The following ADGRB3 variants were observed in gnomAD, a reference collection of about 807,000 sequenced individuals.
ADGRB3 encodes brain-specific angiogenesis inhibitor 3.
Under a neutral mutation model 193.4 loss-of-function variants are expected in ADGRB3, and 37 were observed. The observed-to-expected ratio is 0.19, with a 90% CI of 0.15 to 0.25. The LOEUF (loss-of-function observed/expected upper bound fraction) is 0.25, where lower values mean the gene tolerates loss of function less well. Among genes scored for constraint, ADGRB3 ranks in the 10% least tolerant of loss-of-function variants. ADGRB3 has a pLI of 1.00. For synonymous variants in ADGRB3, 690 were observed against 644.2 expected (o/e 1.07, Z -1.08); for missense variants, 1,637 against 1,852.9 (o/e 0.88, Z 2.14).
At chr6:69,354,147 C>A in intron 26 of ADGRB3, 86 bp from the exon 27 acceptor site, 1 of 894,660 alleles carries the variant, frequency 1.1e-6, no homozygotes, top group Non-Finnish European at 1.8e-6. Context: ...CAGTGATAAC[C>A]ACTGCCTCAG....
intron 17 of ADGRB3, among the ~76,000 whole-genome samples, chr6:69,085,857 G>A (rs1420709389): frequency 4.6e-5 from 7 of 151,202 alleles, no homozygotes; most frequent in South Asian, 2.1e-4. Context: ...AATGAACATC[G>A]GTAAAGATAA....
In ADGRB3 at chr6:68,842,009, G is replaced by A. The variant is rs368299900; in HGVS notation, c.758-88550G>A. On this transcript the variant is annotated intron_variant, in intron 3 of 31. Transcript: ENST00000370598. The stretch of plus-strand genomic sequence containing the variant: ...TTTAATTGTATATTTTAGAGTAACT[G>A]AAAGAGTATAATTGGATTTTTTGCA... Among the ~76,000 whole-genome samples, 44 of 152,062 alleles carry A rather than the reference G, an allele frequency of 2.9e-4. 1 individual carries two copies. The highest frequency in any genetic ancestry group is 1.0e-3 in the African/African-American group (42 of 41,534).
At position 69,214,778 on chromosome 6, in the gene ADGRB3, C is replaced by T. The variant is rs569981629; in HGVS notation, c.2481-18512C>T. On this transcript the variant is annotated intron_variant, in intron 17 of 31. Transcript: ENST00000370598. ...TGGTTTTTACCATTAAAAGTAATGG[C>T]AAAAACCACAATTACATTTGCACCA... 2.6e-5 allele frequency among the ~76,000 whole-genome samples: 4 copies of T among 151,458 alleles called. No homozygotes were observed. In the East Asian group the frequency reaches 7.9e-4, roughly 30 times the overall value.
Position 68,885,451 on chromosome 6 carries a change from C to T in ADGRB3, c.758-45108C>T, listed in dbSNP as rs1024224658. Among the ~76,000 whole-genome samples, 7 of 152,148 alleles carry T rather than the reference C, an allele frequency of 4.6e-5. No individual in the cohort carries two copies. In the East Asian group the frequency reaches 9.6e-4, roughly 21 times the overall value. ...GGAATGATTAAGTCAAACTAATTGA[C>T]GAAAATCTATCACCACACATACTTG... On this transcript the variant is annotated intron_variant, in intron 3 of 31. Transcript: ENST00000370598.
chr6:69,158,435 CAAAA>C (rs371530711), intron 17 of ADGRB3, among the ~76,000 whole-genome samples: 60 of 146,370 alleles, frequency 4.1e-4, no homozygotes, highest in African/African-American at 1.4e-3. Context: ...AAAGTTCAGC[CAAAA>C]AAAAAAATAA....
At position 69,201,514 on chromosome 6, in the gene ADGRB3, C is replaced by T. The variant is rs2150357959; in HGVS notation, c.2481-31776C>T. On this transcript the variant is annotated intron_variant, in intron 17 of 31. Transcript: ENST00000370598. ...TTTCTTTGATTGTTTTGTTTCCTAA[C>T]TCCTAAAAGTGCACATGTTCTAGAG... Among the ~76,000 whole-genome samples, 4 of 152,112 alleles carry T rather than the reference C, an allele frequency of 2.6e-5. No homozygotes were observed. In the South Asian group the frequency reaches 8.3e-4, roughly 32 times the overall value.
chr6:69,282,868 A>T (rs1429613979), intron 20 of ADGRB3, among the ~76,000 whole-genome samples: 2 of 152,230 alleles, frequency 1.3e-5, no homozygotes, highest in African/African-American at 4.8e-5. Context: ...ATGTTATCAT[A>T]CAAAGCTTGA....
intron 20 of ADGRB3, among the ~76,000 whole-genome samples, chr6:69,322,655 T>C (rs569101997): frequency 6.6e-6 from 1 of 152,070 alleles, no homozygotes; most frequent in Admixed American, 6.6e-5. Context: ...TGTTTGATTT[T>C]ATACTAATTC....
At chr6:69,204,085 C>T (rs1441143246) in intron 17 of ADGRB3, among the ~76,000 whole-genome samples, 6 of 151,352 alleles carry the variant, frequency 4.0e-5, no homozygotes, top group Admixed American at 2.6e-4. Flanking sequence ...ACTGGCTGAC[C>T]AGTGATGCAC....
rs548217691 is a variant in ADGRB3 at position 68,945,581 on chromosome 6, C to T, written c.1195+1587C>T. On this transcript the variant is annotated intron_variant, in intron 6 of 31. Coordinates refer to ENST00000370598, the MANE Select transcript of ADGRB3 (RefSeq NM_001704.3). Reference sequence around the variant, plus strand: ...TTTACTCTTATTTGTCCATGAAGTGCAAAGAAATAGACAATATGGAGAAAT... The same window carrying T: ...TTTACTCTTATTTGTCCATGAAGTGTAAAGAAATAGACAATATGGAGAAAT... Among the ~76,000 whole-genome samples, 222 of 152,096 alleles carry T rather than the reference C, an allele frequency of 1.5e-3. 1 individual carries two copies. Among genetic ancestry groups the T allele is most frequent in the African/African-American group, 5.1e-3 (213 of 41,510 alleles).
chr6:68,893,523 CCAACT>C (rs1224961553), intron 3 of ADGRB3, among the ~76,000 whole-genome samples: 2 of 150,440 alleles, frequency 1.3e-5, no homozygotes, highest in African/African-American at 4.9e-5. Flanking sequence ...TCCAGGACAA[CCAACT>C]CTTTTTTTTT....
chr6:69,130,013 C>T (rs1012568410), intron 17 of ADGRB3, among the ~76,000 whole-genome samples: 13 of 152,036 alleles, frequency 8.6e-5, no homozygotes, highest in Non-Finnish European at 2.9e-5. Context: ...ATTCAGGTTG[C>T]TATAACAAAA....
intron 3 of ADGRB3, among the ~76,000 whole-genome samples, chr6:68,648,950 C>T (rs1360648541): frequency 6.6e-6 from 1 of 151,846 alleles, no homozygotes; most frequent in Admixed American, 6.6e-5. Context: ...TATAATAACA[C>T]CTATCATTCA....
chr6:69,339,288 G>A (rs1439573053), intron 25 of ADGRB3, 45 bp from the exon 26 acceptor site: 2 of 1,595,348 alleles, frequency 1.3e-6, no homozygotes, highest in Non-Finnish European at 1.7e-6. Flanking sequence ...TATGGCCTGG[G>A]GTGTGATGTA....
intron 17 of ADGRB3, among the ~76,000 whole-genome samples, chr6:69,220,436 C>T (rs1286861141): frequency 6.6e-6 from 1 of 152,102 alleles, no homozygotes; most frequent in Admixed American, 6.6e-5. Flanking sequence ...CGTACAGTTT[C>T]TGTGCATACC....
chr6:69,358,910 T>TAC (rs1313314034), intron 28 of ADGRB3, among the ~76,000 whole-genome samples: 2 of 151,638 alleles, frequency 1.3e-5, no homozygotes, highest in Admixed American at 1.3e-4. Flanking sequence ...TATCTTTCTT[T>TAC]ACACACACAC....
At chr6:68,720,871 A>G (rs1249923077) in intron 3 of ADGRB3, among the ~76,000 whole-genome samples, 1 of 151,760 alleles carries the variant, frequency 6.6e-6, no homozygotes, top group East Asian at 1.9e-4. Flanking sequence ...GCAATAAAAT[A>G]CCAGGTTAGA....
At chr6:68,662,470 G>T (rs1182426198) in intron 3 of ADGRB3, among the ~76,000 whole-genome samples, 3 of 151,520 alleles carry the variant, frequency 2.0e-5, no homozygotes, top group Non-Finnish European at 4.4e-5. Flanking sequence ...TGAGGCTTAA[G>T]TAAGGAATGT....
At chr6:69,342,984 T>C (rs932004214) in intron 26 of ADGRB3, among the ~76,000 whole-genome samples, 1 of 151,820 alleles carries the variant, frequency 6.6e-6, no homozygotes, top group Non-Finnish European at 1.5e-5. Flanking sequence ...TGTCCCAATA[T>C]GAATTCAGAA....
Sources: gnomAD v4.1 joint callset for allele counts (sites outside exome capture counted in the v4.1 genomes callset) on GRCh38, gnomAD v4.1.1 for gene constraint, MANE v1.5 for transcripts, NCBI Gene and HGNC (gene_info 2026-07-23, HGNC 2026-07-21) for gene names.